Variants in EPM2A observed in about 807,000 individuals in gnomAD.
EPM2A encodes the protein laforin.
EPM2A carries 21 observed loss-of-function variants against 26.5 expected under a neutral mutation model. That is an observed-to-expected ratio of 0.79 (90% confidence interval 0.56 to 1.14). The LOEUF is 1.14. EPM2A is among the 50% of genes most tolerant of loss of function. The pLI, the probability that EPM2A is intolerant of heterozygous loss-of-function variation, is 0.00. For missense variants in EPM2A, 458 were observed against 440.8 expected, an observed-to-expected ratio of 1.04 and a Z score of -0.35; for synonymous variants, 217 against 177.6, an observed-to-expected ratio of 1.22 and a Z score of -1.76.
intron 4 of EPM2A, among the ~76,000 whole-genome samples, chr6:145,467,007 T>G (rs943872802): frequency 6.6e-6 from 1 of 150,972 alleles, no homozygotes; most frequent in Admixed American, 6.6e-5. Flanking sequence ...GCGGTGGGAG[T>G]GGAGAGGGAT....
At chr6:145,495,559 T>G (rs982841671) in intron 4 of EPM2A, among the ~76,000 whole-genome samples, 1 of 151,860 alleles carries the variant, frequency 6.6e-6, no homozygotes, top group Non-Finnish European at 1.5e-5. Context: ...TGCAGACTTG[T>G]TTATGCGGAT....
intron 2 of EPM2A, among the ~76,000 whole-genome samples, chr6:145,563,191 T>G (rs1780832837): frequency 6.6e-6 from 1 of 151,600 alleles, no homozygotes; most frequent in Non-Finnish European, 1.5e-5. Flanking sequence ...ACATTTCCCC[T>G]GTACCTGTGT....
Position 145,579,408 on chromosome 6 carries a change from C to T in EPM2A, c.340+55837G>A, listed in dbSNP as rs533401289. Among the ~76,000 whole-genome samples, 9 of 152,268 alleles carry T rather than the reference C, an allele frequency of 5.9e-5. No individual in the cohort carries two copies. In the East Asian group the frequency reaches 1.7e-3, roughly 29 times the overall value. ...CATACACATTAAAGATTGGCATGTC[C>T]TGGAGAATTGCCCCTGATATCATTA... On this transcript the variant is annotated intron_variant, in intron 2 of 3. Transcript: ENST00000450221.
intron 4 of EPM2A, among the ~76,000 whole-genome samples, chr6:145,492,445 G>A (rs547993257): frequency 6.6e-6 from 1 of 152,270 alleles, no homozygotes; most frequent in Admixed American, 6.5e-5. Flanking sequence ...TAGCTTAACA[G>A]CTCAGTGGGG....
intron 2 of EPM2A, among the ~76,000 whole-genome samples, chr6:145,552,968 A>G (rs430248): frequency 0.45 from 68,390 of 151,950 alleles, 15,418 homozygotes; most frequent in South Asian, 0.58. Flanking sequence ...AATACTTTAC[A>G]TCTGATATGG....
At position 145,603,058 on chromosome 6, in the gene EPM2A, G is replaced by A. The variant is rs1053641624; in HGVS notation, c.340+32187C>T. On this transcript the variant is annotated intron_variant, in intron 2 of 3. Transcript: ENST00000450221. ...AATGAAGTGGCCAGAGAGATCCCAA[G>A]TCCAGAGACAGAATAACAGGAGTCT... Among the ~76,000 whole-genome samples, 3 of 152,112 alleles carry A rather than the reference G, an allele frequency of 2.0e-5. No homozygotes were observed. In the East Asian group the frequency reaches 5.8e-4, roughly 29 times the overall value.
At chr6:145,507,754 C>T (rs1329271837) in intron 2 of EPM2A, among the ~76,000 whole-genome samples, 1 of 152,140 alleles carries the variant, frequency 6.6e-6, no homozygotes, top group African/African-American at 2.4e-5. Flanking sequence ...TGGAGAGTGT[C>T]CCAGCAGTAG....
intron 4 of EPM2A, among the ~76,000 whole-genome samples, chr6:145,411,375 G>A (rs1778641051): frequency 6.6e-6 from 1 of 152,074 alleles, no homozygotes; most frequent in Non-Finnish European, 1.5e-5. Context: ...TTTAAGAATG[G>A]AAACAATCAT....
At chr6:145,643,618 A>AT (rs1777242619) in intron 2 of EPM2A, among the ~76,000 whole-genome samples, 1 of 152,204 alleles carries the variant, frequency 6.6e-6, no homozygotes, top group African/African-American at 2.4e-5. Flanking sequence ...CACTAAATAG[A>AT]TTTTTTAAGT....
chr6:145,697,880 G>A (rs936142369), intron 1 of EPM2A, among the ~76,000 whole-genome samples: 5 of 152,034 alleles, frequency 3.3e-5, no homozygotes, highest in African/African-American at 4.8e-5. Flanking sequence ...TGCAGTTAAC[G>A]CAATCATCAC....
At chr6:145,430,668 A>G (rs1476174960) in intron 4 of EPM2A, among the ~76,000 whole-genome samples, 1 of 152,158 alleles carries the variant, frequency 6.6e-6, no homozygotes, top group Non-Finnish European at 1.5e-5. Flanking sequence ...ACAACAGAAG[A>G]GTAGTGGAAT....
At chr6:145,504,316 C>T (rs372114015) in intron 2 of EPM2A, among the ~76,000 whole-genome samples, 1 of 104,908 alleles carries the variant, frequency 9.5e-6, no homozygotes, top group Non-Finnish European at 2.1e-5. Context: ...CAACCTACAA[C>T]ATGGGAGAAA....
At chr6:145,464,865 C>A in intron 4 of EPM2A, among the ~76,000 whole-genome samples, 1 of 152,204 alleles carries the variant, frequency 6.6e-6, no homozygotes, top group African/African-American at 2.4e-5. Context: ...GATGGGCTTC[C>A]CTTTGAGGGT....
chr6:145,563,215 C>T (rs749320712), intron 2 of EPM2A, among the ~76,000 whole-genome samples: 16 of 151,340 alleles, frequency 1.1e-4, no homozygotes, highest in African/African-American at 3.6e-4. Context: ...GTGAATGTGC[C>T]GGTTTTCTTA....
At chr6:145,412,917 T>G (rs1357479860) in intron 4 of EPM2A, among the ~76,000 whole-genome samples, 8 of 152,298 alleles carry the variant, frequency 5.3e-5, no homozygotes, top group African/African-American at 1.7e-4. Flanking sequence ...CTCTGCTGGT[T>G]GGTTTCCCTG....
chr6:145,690,989 AAC>A (rs1562493409), intron 1 of EPM2A, among the ~76,000 whole-genome samples: 1 of 152,056 alleles, frequency 6.6e-6, no homozygotes, highest in Non-Finnish European at 1.5e-5. Context: ...AAAAAAAAAA[AAC>A]AGACACTTAG....
chr6:145,586,093 G>A (rs1392228913), intron 2 of EPM2A, among the ~76,000 whole-genome samples: 2 of 152,086 alleles, frequency 1.3e-5, no homozygotes, highest in East Asian at 3.9e-4. Context: ...TCAACTCAAG[G>A]AGTCTCCTAG....
intron 2 of EPM2A, among the ~76,000 whole-genome samples, chr6:145,603,034 A>G (rs935224011): frequency 2.0e-5 from 3 of 152,164 alleles, no homozygotes; most frequent in Non-Finnish European, 4.4e-5. Flanking sequence ...ATTCATTTCA[A>G]TGAAGTGGCC....
At chr6:145,399,977 T>C (rs575553484) in intron 4 of EPM2A, among the ~76,000 whole-genome samples, 7 of 152,330 alleles carry the variant, frequency 4.6e-5, no homozygotes, top group African/African-American at 1.7e-4. Context: ...ATTACAAATT[T>C]GTAACTGAAA....
Sources: allele counts gnomAD v4.1 joint callset (sites outside exome capture counted in the v4.1 genomes callset), GRCh38; gene constraint gnomAD v4.1.1; transcripts MANE v1.5; gene names NCBI Gene and HGNC (gene_info 2026-07-23, HGNC 2026-07-21).